The following GRIN2A variants were observed in gnomAD, a reference collection of about 807,000 sequenced individuals.
The protein encoded by GRIN2A is glutamate ionotropic receptor NMDA type subunit 2A.
In GRIN2A, 22 loss-of-function variants were observed where a neutral mutation model predicts 113.4. That is an observed-to-expected ratio of 0.19 (90% CI 0.14 to 0.28). The LOEUF (loss-of-function observed/expected upper bound fraction) is 0.28. GRIN2A is among the 10% of genes least tolerant of loss of function. The pLI, the probability that GRIN2A is intolerant of heterozygous loss-of-function variation, is 1.00. For synonymous variants in GRIN2A, 827 were observed against 738.4 expected (o/e 1.12, Z -1.94); for missense variants, 1,502 against 1,887.0 (o/e 0.80, Z 3.78).
intron 2 of GRIN2A, among the ~76,000 whole-genome samples, chr16:10,163,494 C>A (rs1001492786): frequency 6.6e-6 from 1 of 151,972 alleles, no homozygotes; most frequent in Non-Finnish European, 1.5e-5. Flanking sequence ...CACGTGAGAT[C>A]TCGCTGATAT....
chr16:10,093,574 G>A (rs2048226827), intron 2 of GRIN2A, among the ~76,000 whole-genome samples: 1 of 151,914 alleles, frequency 6.6e-6, no homozygotes, highest in South Asian at 2.1e-4. Context: ...ATATTTAAGA[G>A]CTAGAGTCTC....
intron 1 of GRIN2A, among the ~76,000 whole-genome samples, chr16:10,181,352 CA>C (rs756635476): frequency 4.5e-4 from 68 of 152,214 alleles, no homozygotes; most frequent in Non-Finnish European, 8.7e-4. Context: ...GGTAGGCTCC[CA>C]AGAAGCTCCC....
chr16:9,849,652 T>G, intron 5 of GRIN2A, 104 bp downstream of exon 5: 1 of 898,842 alleles, frequency 1.1e-6, no homozygotes, highest in Non-Finnish European at 1.9e-6. Flanking sequence ...GACGTGTATT[T>G]TCTATGACAT....
intron 10 of GRIN2A, 24 bp downstream of exon 10, chr16:9,822,240 T>G: frequency 6.2e-7 from 1 of 1,612,124 alleles, no homozygotes; most frequent in Non-Finnish European, 8.5e-7. Context: ...AGACCTGTGG[T>G]GAAAAGGAAA....
chr16:9,795,906 T>A (rs1294855632), intron 11 of GRIN2A, among the ~76,000 whole-genome samples: 2 of 152,244 alleles, frequency 1.3e-5, no homozygotes, highest in Non-Finnish European at 2.9e-5. Context: ...GAGAATTAAA[T>A]ATAACAACAG....
chr16:9,921,968 T>C (rs1782803321), intron 3 of GRIN2A, among the ~76,000 whole-genome samples: 1 of 152,162 alleles, frequency 6.6e-6, no homozygotes, highest in African/African-American at 2.4e-5. Context: ...CAGTTGAAAA[T>C]ACGTTGTTAC....
At chr16:10,035,046 G>A (rs1305057907) in intron 2 of GRIN2A, among the ~76,000 whole-genome samples, 2 of 151,104 alleles carry the variant, frequency 1.3e-5, no homozygotes, top group Non-Finnish European at 2.9e-5. Context: ...CGTGTTTAGA[G>A]ACAGGGTCTC....
chr16:10,065,304 G>A (rs756714400), intron 2 of GRIN2A, among the ~76,000 whole-genome samples: 1 of 152,180 alleles, frequency 6.6e-6, no homozygotes, highest in Non-Finnish European at 1.5e-5. Context: ...GAAAAAACTT[G>A]TTAGCAAAAG....
At chr16:9,794,107 T>C (rs1902805312) in intron 11 of GRIN2A, among the ~76,000 whole-genome samples, 1 of 152,210 alleles carries the variant, frequency 6.6e-6, no homozygotes, top group Non-Finnish European at 1.5e-5. Context: ...GATGCCATGG[T>C]GCACTCTATC....
intron 2 of GRIN2A, among the ~76,000 whole-genome samples, chr16:9,990,574 C>G (rs1225196610): frequency 6.7e-6 from 1 of 149,338 alleles, no homozygotes; most frequent in African/African-American, 2.5e-5. Context: ...CACACACACA[C>G]ACACACACAC....
intron 10 of GRIN2A, among the ~76,000 whole-genome samples, chr16:9,813,200 C>T (rs1472360986): frequency 6.6e-6 from 1 of 152,212 alleles, no homozygotes; most frequent in Non-Finnish European, 1.5e-5. Context: ...ATTCCTCTAG[C>T]TCAATGAAAT....
intron 3 of GRIN2A, among the ~76,000 whole-genome samples, chr16:9,933,206 C>T (rs1326892585): frequency 2.6e-5 from 4 of 152,050 alleles, no homozygotes; most frequent in African/African-American, 4.8e-5. Context: ...AGAAAATGTC[C>T]CCCTTTCCTG....
chr16:9,809,617 C>T lies in GRIN2A; in HGVS notation c.2169-11153G>A, dbSNP rs140422902. The stretch of plus-strand genomic sequence containing the variant: ...AGCAATATAGCATAATGGTTAAGGG[C>T]ATAGCTCCTAGAGCCAGTTCAAATC... On this transcript the variant is annotated intron_variant, in intron 10 of 12. Coordinates refer to ENST00000330684, the MANE Select transcript of GRIN2A (RefSeq NM_001134407.3). Among the ~76,000 whole-genome samples, 9 of 151,928 alleles carry T rather than the reference C, an allele frequency of 5.9e-5. No individual in the cohort carries two copies. The East Asian group carries it at 1.7e-3, about 29-fold the overall frequency.
chr16:10,129,395 C>T (rs188530290), intron 2 of GRIN2A, among the ~76,000 whole-genome samples: 283 of 152,070 alleles, frequency 1.9e-3, no homozygotes, highest in Non-Finnish European at 3.2e-3. Flanking sequence ...AAACACTAAC[C>T]ATATAATACT....
rs113847665 is a variant in GRIN2A at position 9,764,880 on chromosome 16, C to A, written c.2664G>T (p.Thr888=). 1.2e-6 allele frequency: 2 copies of A among 1,614,062 alleles called. No individual in the cohort carries two copies. Among genetic ancestry groups the A allele is most frequent in the South Asian group, 1.1e-5 (1 of 91,066 alleles). ...GTTTTAACATGTTGCTCTGGGATCC[C>A]GTCAGATTGAAGTCTGGAGACTTCT... is the stretch of plus-strand genomic sequence containing the variant. The part of the protein sequence containing the change: ...EKKKSPDFNL[T]GSQSNMLKLL... Residue 888 remains threonine (T), a synonymous_variant, in exon 13 of 13, where the codon ACG becomes ACT. Transcript: ENST00000330684.
intron 2 of GRIN2A, among the ~76,000 whole-genome samples, chr16:10,126,157 TTA>T (rs201684807): frequency 9.8e-6 from 1 of 102,138 alleles, no homozygotes. Flanking sequence ...ATGGATTTCT[TTA>T]TATATATATA....
rs1406890062 is a variant in GRIN2A at position 9,840,797 on chromosome 16, C to A, written c.1501G>T (p.Val501Phe). The change falls in exon 7 of 13, where the codon GTC becomes TTC. Residue 501 changes from valine to phenylalanine, a missense_variant. By Grantham distance (50) the Val-to-Phe change is conservative. This residue lies in a region of GRIN2A where 82 missense variants were observed against 222.7 expected (regional missense o/e 0.37). Transcript: ENST00000330684. Reference protein sequence around the residue: ...NVWNGMIGEVVYQRAVMAVGS... With the variant: ...NVWNGMIGEVFYQRAVMAVGS... ...ACTGCCATGACTGCCCGTTGATAGA[C>A]CACCTGGATGCAAGGCAAAAAAAAA... 2 of 1,584,798 alleles carry A rather than the reference C, an allele frequency of 1.3e-6. No homozygotes were observed. The highest frequency in any genetic ancestry group is 1.7e-6 in the Non-Finnish European group (2 of 1,163,274).
chr16:10,179,965 A>G lies in GRIN2A; in HGVS notation c.414+33T>C, dbSNP rs2142386959. ...GCTGCCATGCAGCTGGTGGCTTCCC[A>G]GGTCCTGGCAGGGCATCAGTTTCCG... On this transcript the variant is annotated intron_variant, in intron 2 of 12. Coordinates refer to ENST00000330684, the MANE Select transcript of GRIN2A (RefSeq NM_001134407.3). 3.4e-6 allele frequency: 5 copies of G among 1,484,484 alleles called. No homozygotes were observed. The South Asian group carries it at 5.6e-5, about 17-fold the overall frequency. The allele number at this position is 1,484,484 out of a possible 1,614,324, so 92.0% of individuals were successfully genotyped here.
chr16:9,789,616 G>A (rs1266689991), intron 11 of GRIN2A, among the ~76,000 whole-genome samples: 3 of 151,748 alleles, frequency 2.0e-5, no homozygotes, highest in Non-Finnish European at 2.9e-5. Flanking sequence ...TAAGGAGGAC[G>A]CTTTTGAGTG....
Sources: allele counts gnomAD v4.1 joint callset (sites outside exome capture counted in the v4.1 genomes callset), GRCh38; gene constraint gnomAD v4.1.1; regional missense constraint gnomAD v4.1.1; transcripts MANE v1.5; gene names NCBI Gene and HGNC (gene_info 2026-07-23, HGNC 2026-07-21).